Variants in SH3KBP1 observed in about 807,000 individuals in gnomAD.
SH3KBP1 encodes SH3 domain-containing kinase-binding protein 1.
In SH3KBP1, 8 loss-of-function variants were observed where a neutral mutation model predicts 50.1. That is an observed-to-expected ratio of 0.16 (90% confidence interval 0.09 to 0.29). The LOEUF (loss-of-function observed/expected upper bound fraction) is 0.29, where lower values mean the gene tolerates loss of function less well. Ranked by LOEUF, SH3KBP1 falls within the 10% of genes least tolerant of loss-of-function variation. The pLI is 1.00. For synonymous variants in SH3KBP1, 227 were observed against 218.6 expected (o/e 1.04, Z -0.34); for missense variants, 377 against 535.2 (o/e 0.70, Z 2.92).
intron 6 of SH3KBP1, among the ~76,000 whole-genome samples, chrX:19,680,957 C>T (rs1471625939): frequency 2.7e-5 from 3 of 112,006 alleles, no homozygotes; most frequent in African/African-American, 9.7e-5. Flanking sequence ...AAGATGCATA[C>T]ACGAATGCGT....
At chrX:19,795,113 C>A (rs1276070376) in intron 2 of SH3KBP1, among the ~76,000 whole-genome samples, 1 of 112,010 alleles carries the variant, frequency 8.9e-6, no homozygotes, top group Non-Finnish European at 1.9e-5. Flanking sequence ...CGCTCCCTTT[C>A]ATTTCTATGC....
At chrX:19,607,147 G>A (rs766608976) in intron 9 of SH3KBP1, among the ~76,000 whole-genome samples, 2 of 112,376 alleles carry the variant, frequency 1.8e-5, no homozygotes, top group South Asian at 3.7e-4. Context: ...TACTGGAATC[G>A]TGCCATGGCA....
intron 1 of SH3KBP1, among the ~76,000 whole-genome samples, chrX:19,844,015 A>T (rs1323147666): frequency 4.5e-5 from 5 of 111,288 alleles, no homozygotes; most frequent in Admixed American, 9.6e-5. Context: ...CAGCTTAGAC[A>T]TTCACTGGCT....
At chrX:19,735,577 T>C (rs1287503291) in intron 3 of SH3KBP1, among the ~76,000 whole-genome samples, 1 of 110,357 alleles carries the variant, frequency 9.1e-6, no homozygotes, top group Non-Finnish European at 1.9e-5. Flanking sequence ...ATTGGTTATT[T>C]AGGAGCATAC....
chrX:19,638,272 C>T (rs2061762328), intron 7 of SH3KBP1, among the ~76,000 whole-genome samples: 1 of 108,882 alleles, frequency 9.2e-6, no homozygotes, highest in Admixed American at 9.7e-5. Flanking sequence ...TAGCCGGGCA[C>T]GGTGGCGGGC....
At chrX:19,647,034 C>T (rs1159179422) in intron 6 of SH3KBP1, among the ~76,000 whole-genome samples, 2 of 111,893 alleles carry the variant, frequency 1.8e-5, no homozygotes, top group Non-Finnish European at 3.8e-5. Context: ...AATCAGGTAC[C>T]GATAGTAAAA....
chrX:19,651,284 T>C (rs1036680976), intron 6 of SH3KBP1, among the ~76,000 whole-genome samples: 7 of 111,595 alleles, frequency 6.3e-5, no homozygotes, highest in African/African-American at 2.3e-4. Context: ...TCATCTCATC[T>C]ACATTTGGTG....
intron 9 of SH3KBP1, among the ~76,000 whole-genome samples, chrX:19,598,457 A>G (rs1328939722): frequency 9.0e-6 from 1 of 111,067 alleles, no homozygotes; most frequent in African/African-American, 3.3e-5. Context: ...TTTCCTTCAC[A>G]AATTTTTCCT....
intron 6 of SH3KBP1, among the ~76,000 whole-genome samples, chrX:19,681,701 G>C (rs1256441735): frequency 9.0e-6 from 1 of 111,262 alleles, no homozygotes; most frequent in Non-Finnish European, 1.9e-5. Flanking sequence ...CCCTGTAGGA[G>C]TGTGCATGGC....
At chrX:19,678,491 C>T (rs759666066) in intron 6 of SH3KBP1, among the ~76,000 whole-genome samples, 16 of 109,820 alleles carry the variant, frequency 1.5e-4, no homozygotes, top group Non-Finnish European at 3.0e-4. Flanking sequence ...AAAAAAAGAC[C>T]AACAGAACAG....
At chrX:19,752,423 A>T (rs149463195) in intron 2 of SH3KBP1, among the ~76,000 whole-genome samples, 1,556 of 112,754 alleles carry the variant, frequency 0.014, 27 homozygotes, top group African/African-American at 0.047. Context: ...TTTAAAAAGA[A>T]CTATACATAA....
intron 6 of SH3KBP1, among the ~76,000 whole-genome samples, chrX:19,669,614 A>G (rs1182750673): frequency 8.9e-6 from 1 of 111,767 alleles, no homozygotes; most frequent in East Asian, 2.8e-4. Flanking sequence ...TTTTGCATAT[A>G]AATACCTCAT....
chrX:19,545,114 A>G (rs984916518), intron 15 of SH3KBP1, among the ~76,000 whole-genome samples: 2 of 112,490 alleles, frequency 1.8e-5, no homozygotes, highest in East Asian at 2.8e-4. Flanking sequence ...AAATCTATGG[A>G]GAAGGAAAAT....
chrX:19,816,055 T>C (rs911190658), intron 2 of SH3KBP1, among the ~76,000 whole-genome samples: 1 of 112,501 alleles, frequency 8.9e-6, no homozygotes. Flanking sequence ...GGGAAGCACA[T>C]AGTTCTATAA....
chrX:19,652,224 G>A (rs2062146602), intron 6 of SH3KBP1, among the ~76,000 whole-genome samples: 1 of 111,065 alleles, frequency 9.0e-6, no homozygotes, highest in African/African-American at 3.3e-5. Flanking sequence ...TGTCTTCCGG[G>A]GCCTCGGTTG....
chrX:19,609,248 C>T (rs973075603), intron 8 of SH3KBP1, among the ~76,000 whole-genome samples: 3 of 111,972 alleles, frequency 2.7e-5, no homozygotes, highest in African/African-American at 6.5e-5. Flanking sequence ...CCACTTCTAC[C>T]GCCTGACCCA....
chrX:19,587,308 T>C (rs2066602363), intron 12 of SH3KBP1, among the ~76,000 whole-genome samples: 1 of 109,083 alleles, frequency 9.2e-6, no homozygotes, highest in African/African-American at 3.4e-5. Context: ...AGACAGAAAG[T>C]AGAATGGCGG....
intron 2 of SH3KBP1, among the ~76,000 whole-genome samples, chrX:19,813,156 A>AC (rs1471344335): frequency 1.0e-5 from 1 of 96,215 alleles, no homozygotes; most frequent in Non-Finnish European, 2.0e-5. Flanking sequence ...AAACAAACAA[A>AC]AAAAAAGAAG....
intron 12 of SH3KBP1, among the ~76,000 whole-genome samples, chrX:19,586,593 C>T (rs1440572270): frequency 8.9e-6 from 1 of 111,950 alleles, no homozygotes; most frequent in Non-Finnish European, 1.9e-5. Flanking sequence ...GTGCAAAGAA[C>T]CTTCTATTGC....
Sources: allele counts gnomAD v4.1 joint callset (sites outside exome capture counted in the v4.1 genomes callset), GRCh38; gene constraint gnomAD v4.1.1; transcripts MANE v1.5; gene names NCBI Gene and HGNC (gene_info 2026-07-23, HGNC 2026-07-21).